Variants in LINGO1 observed in about 807,000 individuals in gnomAD.
The protein encoded by LINGO1 is leucine rich repeat and Ig domain containing 1.
LINGO1 carries 11 observed loss-of-function variants against 37.3 expected under a neutral mutation model. That is an observed-to-expected ratio of 0.29 (90% CI 0.19 to 0.49). The LOEUF is 0.49. LINGO1 is among the 20% of genes least tolerant of loss of function. The pLI, the probability that LINGO1 is intolerant of heterozygous loss-of-function variation, is 0.99. For missense variants in LINGO1, 585 were observed against 878.2 expected (o/e 0.67, Z 4.22); for synonymous variants, 387 against 403.0 (o/e 0.96, Z 0.48).
intron 3 of LINGO1, among the ~76,000 whole-genome samples, chr15:77,658,254 G>A (rs1394208474): frequency 6.6e-6 from 1 of 152,246 alleles, no homozygotes; most frequent in Non-Finnish European, 1.5e-5. Context: ...TGCATGTGGG[G>A]GCACTGGGGC....
intron 2 of LINGO1, among the ~76,000 whole-genome samples, chr15:77,718,033 GA>G (rs891111517): frequency 2.7e-5 from 4 of 150,934 alleles, no homozygotes; most frequent in Non-Finnish European, 5.9e-5. Context: ...GGCCTGCCCA[GA>G]AGCTGGTGCC....
Position 77,615,265 on chromosome 15 carries a change from C to T in LINGO1, c.642G>A (p.Leu214=), listed in dbSNP as rs758955144. 87 of 1,613,796 alleles carry T rather than the reference C, an allele frequency of 5.4e-5. No individual in the cohort carries two copies. In the East Asian group the frequency reaches 1.8e-3, roughly 34 times the overall value. Residue 214 remains leucine, a synonymous_variant, in exon 2 of 2, where the codon CTG becomes CTA. Coordinates refer to ENST00000355300, the MANE Select transcript of LINGO1 (RefSeq NM_032808.7). ...GGAGCCTCAGGACGATGAGGCCGTGCAGGTGGGACAGCGCCTCGGTGGGGA... is the reference window on the plus strand; with the variant it reads ...GGAGCCTCAGGACGATGAGGCCGTGTAGGTGGGACAGCGCCTCGGTGGGGA... ...TSIPTEALSH[L]HGLIVLRLRH...
intron 1 of LINGO1, among the ~76,000 whole-genome samples, chr15:77,736,753 G>A (rs1485161997): frequency 5.3e-5 from 8 of 152,144 alleles, no homozygotes; most frequent in Non-Finnish European, 1.0e-4. Flanking sequence ...CCGCCTAGGT[G>A]ACAGAATGAG....
intron 1 of LINGO1, chr15:77,819,542 CCG>C (rs1031782490): frequency 4.7e-5 from 7 of 149,678 alleles, no homozygotes; most frequent in Non-Finnish European, 1.0e-4. Context: ...AGAATCTCTA[CCG>C]CGCGCCCCCA....
At chr15:77,678,781 A>G (rs2075368143) in intron 2 of LINGO1, among the ~76,000 whole-genome samples, 2 of 152,250 alleles carry the variant, frequency 1.3e-5, no homozygotes, top group African/African-American at 2.4e-5. Flanking sequence ...CATTCCCACT[A>G]GCAACCTAGG....
intron 2 of LINGO1, among the ~76,000 whole-genome samples, chr15:77,705,008 T>C (rs2075832149): frequency 6.6e-6 from 1 of 152,058 alleles, no homozygotes; most frequent in South Asian, 2.1e-4. Context: ...CCCATCTCCT[T>C]GTGGAGAAGT....
At chr15:77,712,811 T>A (rs964504775) in intron 2 of LINGO1, among the ~76,000 whole-genome samples, 5 of 152,234 alleles carry the variant, frequency 3.3e-5, no homozygotes, top group Non-Finnish European at 7.3e-5. Context: ...TCCTGCCTGA[T>A]GAGGGGTCTC....
intron 3 of LINGO1, among the ~76,000 whole-genome samples, chr15:77,639,831 C>G (rs534771443): frequency 2.0e-4 from 31 of 152,260 alleles, no homozygotes; most frequent in Middle Eastern, 3.4e-3. Context: ...TGATTAACAC[C>G]AATTCCAGAG....
At chr15:77,780,153 C>A (rs2076701440) in intron 1 of LINGO1, among the ~76,000 whole-genome samples, 1 of 152,170 alleles carries the variant, frequency 6.6e-6, no homozygotes, top group Non-Finnish European at 1.5e-5. Context: ...ACACCAAGAA[C>A]AAAATAGTAG....
intron 2 of LINGO1, among the ~76,000 whole-genome samples, chr15:77,725,482 G>A (rs2076093163): frequency 6.6e-6 from 1 of 152,140 alleles, no homozygotes; most frequent in African/African-American, 2.4e-5. Context: ...GGGATCACTC[G>A]AACCCTGGTG....
intron 1 of LINGO1, among the ~76,000 whole-genome samples, chr15:77,616,892 T>TCCC (rs770336157): frequency 1.1e-4 from 17 of 152,158 alleles, no homozygotes; most frequent in Non-Finnish European, 2.4e-4. Context: ...TGAAGTGTGC[T>TCCC]CCCCTTAAAA....
At chr15:77,762,949 C>T (rs758683207) in intron 1 of LINGO1, among the ~76,000 whole-genome samples, 3 of 152,242 alleles carry the variant, frequency 2.0e-5, no homozygotes, top group Non-Finnish European at 4.4e-5. Flanking sequence ...AGCTCCAGGA[C>T]TGTGCCTGGC....
At chr15:77,782,627 A>G (rs1460248773) in intron 1 of LINGO1, among the ~76,000 whole-genome samples, 1 of 151,972 alleles carries the variant, frequency 6.6e-6, no homozygotes, top group African/African-American at 2.4e-5. Context: ...AAACGGTGCC[A>G]CTTGGGCCAA....
intron 2 of LINGO1, among the ~76,000 whole-genome samples, chr15:77,718,590 C>T (rs75050093): frequency 1.3e-5 from 2 of 151,084 alleles, no homozygotes; most frequent in African/African-American, 4.8e-5. Context: ...ACCCCAATAT[C>T]GGACCCCAGA....
rs573989277 is a variant in LINGO1, at chr15:77,718,333, G to A, written c.-195+16659C>T. 1.6e-3 allele frequency among the ~76,000 whole-genome samples: 240 copies of A among 151,004 alleles called. 13 individuals carry two copies. The highest frequency in any genetic ancestry group is 2.0e-3 in the Non-Finnish European group (137 of 67,612). On this transcript the variant is annotated intron_variant, in intron 2 of 3. Coordinates refer to the LINGO1 transcript ENST00000561686. Reference sequence around the variant, plus strand: ...AATGCACACGCTCATGCATACCCACGCCCATCCCATGTATACAGAGGAGCA... The same window carrying A: ...AATGCACACGCTCATGCATACCCACACCCATCCCATGTATACAGAGGAGCA...
At chr15:77,720,625 T>A (rs1158197037) in intron 2 of LINGO1, 1 of 152,238 alleles carries the variant, frequency 6.6e-6, no homozygotes, top group East Asian at 1.9e-4. Context: ...ACCCCATAGA[T>A]ACTTTTCAGA....
At chr15:77,798,370 G>A (rs1438507925) in intron 1 of LINGO1, among the ~76,000 whole-genome samples, 3 of 152,350 alleles carry the variant, frequency 2.0e-5, no homozygotes, top group African/African-American at 7.2e-5. Flanking sequence ...CTGGCTGGCG[G>A]CCCTGAGCCC....
chr15:77,805,987 G>C (rs533220519), intron 1 of LINGO1, among the ~76,000 whole-genome samples: 1 of 152,144 alleles, frequency 6.6e-6, no homozygotes, highest in Non-Finnish European at 1.5e-5. Context: ...CTGTGACCCC[G>C]GCAGAGGGCT....
intron 2 of LINGO1, among the ~76,000 whole-genome samples, chr15:77,724,063 A>G (rs1206239463): frequency 6.6e-6 from 1 of 152,216 alleles, no homozygotes; most frequent in Non-Finnish European, 1.5e-5. Flanking sequence ...TATAGTGGGC[A>G]CAAACCCAGT....
Sources: allele counts gnomAD v4.1 joint callset (sites outside exome capture counted in the v4.1 genomes callset), GRCh38; gene constraint gnomAD v4.1.1; transcripts MANE v1.5; gene names NCBI Gene and HGNC (gene_info 2026-07-23, HGNC 2026-07-21).